The following DISC1 variants were observed in gnomAD, a reference collection of about 807,000 sequenced individuals.
The protein encoded by DISC1 is DISC1 scaffold protein.
DISC1 carries 57 observed loss-of-function variants against 84.5 expected under a neutral mutation model. The ratio of observed to expected loss-of-function variants is 0.67; its 90% CI spans 0.55 to 0.84. DISC1 has a LOEUF of 0.84. DISC1 is among the 40% of genes least tolerant of loss of function. The probability of loss-of-function intolerance (pLI) is 0.00; values close to 1 mark genes in which losing one functional copy is unlikely to be tolerated. For synonymous variants in DISC1, 411 were observed against 415.2 expected (o/e 0.99, Z 0.12); for missense variants, 1,000 against 1,057.8 (o/e 0.95, Z 0.76).
chr1:231,671,916 T>C (rs1256297836), intron 1 of DISC1, among the ~76,000 whole-genome samples: 1 of 152,226 alleles, frequency 6.6e-6, no homozygotes, highest in Non-Finnish European at 1.5e-5. Flanking sequence ...AAAGTAGGTG[T>C]CTTGAAGTGA....
intron 9 of DISC1, 59 bp from the exon 10 acceptor site, chr1:231,958,769 G>A (rs566886043): frequency 3.3e-6 from 5 of 1,530,852 alleles, no homozygotes; most frequent in East Asian, 2.3e-5. Context: ...TAGTTGAATG[G>A]TTTTTATTCA....
At chr1:231,696,758 T>A (rs1046478552) in intron 2 of DISC1, among the ~76,000 whole-genome samples, 2 of 152,254 alleles carry the variant, frequency 1.3e-5, no homozygotes, top group Non-Finnish European at 2.9e-5. Context: ...AGTCACATGC[T>A]GCACAGGTTT....
At chr1:231,987,719 G>A (rs1244634017) in intron 10 of DISC1, among the ~76,000 whole-genome samples, 1 of 152,190 alleles carries the variant, frequency 6.6e-6, no homozygotes, top group Non-Finnish European at 1.5e-5. Flanking sequence ...TTTGGTATTA[G>A]CAATGAGCTG....
chr1:231,886,112 C>A (rs550002177), intron 9 of DISC1, among the ~76,000 whole-genome samples: 1 of 152,084 alleles, frequency 6.6e-6, no homozygotes, highest in Non-Finnish European at 1.5e-5. Context: ...CCCACAGTAA[C>A]GGCGTTAATC....
At chr1:231,650,175 T>C (rs952062424) in intron 1 of DISC1, among the ~76,000 whole-genome samples, 8 of 152,248 alleles carry the variant, frequency 5.3e-5, no homozygotes, top group Admixed American at 2.0e-4. Context: ...CTTTACAGTT[T>C]GGCATGTTTT....
intron 10 of DISC1, among the ~76,000 whole-genome samples, chr1:231,961,351 G>A (rs1199851497): frequency 6.6e-6 from 1 of 152,186 alleles, no homozygotes; most frequent in Non-Finnish European, 1.5e-5. Context: ...AGATAAGGTA[G>A]GTCAGAGAAT....
At position 231,809,060 on chromosome 1, in the gene DISC1, G is replaced by T. The variant is rs529321098; in HGVS notation, c.1792+8850G>T. On this transcript the variant is annotated intron_variant, in intron 8 of 12. Coordinates refer to ENST00000439617, the MANE Select transcript of DISC1 (RefSeq NM_018662.3). ...GGGAGTAGGGTCTGGGCCACTGTAA[G>T]TTTTCAGGCAAATGTGTGAATGGCC... 5.8e-3 allele frequency among the ~76,000 whole-genome samples: 886 copies of T among 152,304 alleles called. 12 individuals are homozygous for T. The highest frequency in any genetic ancestry group is 0.02 in the African/African-American group (852 of 41,566).
At chr1:231,912,789 CTTTCTTTCTTTCTTTCTTTT>C (rs1477395085) in intron 9 of DISC1, among the ~76,000 whole-genome samples, 3 of 137,644 alleles carry the variant, frequency 2.2e-5, no homozygotes, top group East Asian at 2.2e-4. Flanking sequence ...TTCTTTCTTT[CTTTCTTTCTTTCTTTCTTTT>C]TCTTTCCTTG....
chr1:231,806,914 G>A (rs201356792), intron 8 of DISC1, among the ~76,000 whole-genome samples: 1 of 152,186 alleles, frequency 6.6e-6, no homozygotes, highest in Non-Finnish European at 1.5e-5. Flanking sequence ...GCTGACTTGT[G>A]CTCTGTGGCT....
intron 9 of DISC1, among the ~76,000 whole-genome samples, chr1:231,936,315 C>T (rs1179269394): frequency 6.6e-6 from 1 of 152,146 alleles, no homozygotes; most frequent in Admixed American, 6.5e-5. Flanking sequence ...CCAGCCAATA[C>T]CTAGTTTTCC....
chr1:231,761,309 A>G (rs1412341319), intron 4 of DISC1, among the ~76,000 whole-genome samples: 1 of 152,220 alleles, frequency 6.6e-6, no homozygotes, highest in African/African-American at 2.4e-5. Context: ...GCTAATTTGC[A>G]GCGACATCAG....
rs2079117354 is a variant in DISC1, at chr1:231,800,212, TAAC to T, written c.1792+3_1792+5del. ...AAGCCAAAATGCATGCCATATCAGG[TAAC>T]TGGCAGTGTAGGAGACGTTGAAGCT... On this transcript the variant is annotated splice_donor_5th_base_variant and intron_variant, in intron 8 of 12. Coordinates refer to ENST00000439617, the MANE Select transcript of DISC1 (RefSeq NM_018662.3). The T allele has an allele frequency of 6.2e-7, 1 of 1,609,426 alleles. No individual in the cohort carries two copies. Among genetic ancestry groups the T allele is most frequent in the Non-Finnish European group, 8.5e-7 (1 of 1,177,398 alleles).
In DISC1 at chr1:232,031,215, A is replaced by G. The variant is rs1335584892; in HGVS notation, c.2425+4663A>G. 7.0e-6 allele frequency among the ~76,000 whole-genome samples: 1 copy of G among 142,470 alleles called. No individual in the cohort carries two copies. Among genetic ancestry groups the G allele is most frequent in the African/African-American group, 2.6e-5 (1 of 38,774 alleles). The allele number at this position is 142,470 out of a possible 152,430, so 93.5% of individuals were successfully genotyped here. On this transcript the variant is annotated intron_variant, in intron 12 of 12. Coordinates refer to ENST00000439617, the MANE Select transcript of DISC1 (RefSeq NM_018662.3). The surrounding 1 kb of genome is among the most constrained non-coding windows in gnomAD (Gnocchi z 4.6). ...AGAGACAGAGAGAGAGGAAGGAAGG[A>G]AGGGAGAAAGAGAGAGAGAAAGAGA...
intron 3 of DISC1, among the ~76,000 whole-genome samples, chr1:231,726,834 A>G (rs549417360): frequency 1.3e-5 from 2 of 152,324 alleles, no homozygotes; most frequent in Non-Finnish European, 2.9e-5. Context: ...TCATCTTTCT[A>G]GAAATATCAT....
At chr1:231,857,572 T>C (rs542182268) in intron 9 of DISC1, among the ~76,000 whole-genome samples, 1 of 152,286 alleles carries the variant, frequency 6.6e-6, no homozygotes, top group African/African-American at 2.4e-5. Context: ...TCCATGGACC[T>C]TGTCAAGTAT....
intron 1 of DISC1, among the ~76,000 whole-genome samples, chr1:231,665,056 C>T (rs2061900877): frequency 6.6e-6 from 1 of 151,930 alleles, no homozygotes; most frequent in Non-Finnish European, 1.5e-5. Context: ...TACATGGCAT[C>T]CTTTGCAGTG....
chr1:232,014,214 G>A (rs1558837771), intron 11 of DISC1, among the ~76,000 whole-genome samples: 1 of 152,150 alleles, frequency 6.6e-6, no homozygotes, highest in East Asian at 1.9e-4. Flanking sequence ...CATAATGGGT[G>A]CAGATCTGAT....
At chr1:232,017,339 G>A (rs936622899) in intron 11 of DISC1, among the ~76,000 whole-genome samples, 3 of 152,092 alleles carry the variant, frequency 2.0e-5, no homozygotes, top group Admixed American at 6.6e-5. Context: ...CTCAAGTAGC[G>A]TTTTTGGCTT....
chr1:231,928,010 G>GTA lies in DISC1; in HGVS notation c.1982-30816_1982-30815dup, dbSNP rs1200250144. Among the ~76,000 whole-genome samples the GTA allele has an allele frequency of 6.6e-5, 10 of 152,296 alleles. No individual in the cohort carries two copies. In the East Asian group the frequency reaches 9.6e-4, roughly 15 times the overall value. Reference sequence around the variant, plus strand: ...CCTTCAGCAGTTCTCCTGTGGACCTGTATCCAAGCCACCCTACAAAGTGAG... The same window carrying GTA: ...CCTTCAGCAGTTCTCCTGTGGACCTGTATATCCAAGCCACCCTACAAAGTGAG... On this transcript the variant is annotated intron_variant, in intron 9 of 12. Transcript: ENST00000439617.
Sources: allele counts gnomAD v4.1 joint callset (sites outside exome capture counted in the v4.1 genomes callset), GRCh38; gene constraint gnomAD v4.1.1; non-coding constraint Gnocchi (gnomAD v3.1); transcripts MANE v1.5; gene names NCBI Gene and HGNC (gene_info 2026-07-23, HGNC 2026-07-21).